The following TBCA variants were observed in gnomAD, a reference collection of about 807,000 sequenced individuals.
TBCA encodes the protein tubulin-specific chaperone A.
A neutral mutation model predicts 15.8 loss-of-function variants in TBCA; 6 were observed. That is an observed-to-expected ratio of 0.38 (90% CI 0.21 to 0.75). TBCA has a LOEUF of 0.75. TBCA is among the 30% of genes least tolerant of loss of function. The probability of loss-of-function intolerance (pLI) is 0.46; values close to 1 mark genes in which losing one functional copy is unlikely to be tolerated. For synonymous variants in TBCA, 32 were observed against 42.3 expected (o/e 0.76, Z 0.94); for missense variants, 90 against 131.2 (o/e 0.69, Z 1.53).
chr5:77,725,804 CCTT>C (rs751283351), intron 1 of TBCA, among the ~76,000 whole-genome samples: 4 of 152,134 alleles, frequency 2.6e-5, no homozygotes, highest in African/African-American at 4.8e-5. Context: ...TCTTAAGGCT[CCTT>C]GAGATGAGTT....
At position 77,767,153 on chromosome 5, in the gene TBCA, C is replaced by T. The variant is rs151149847; in HGVS notation, c.53+9052G>A. The stretch of plus-strand genomic sequence containing the variant: ...AGGTCTTCAAAAATTTCATAGAGTA[C>T]AAATGTATTTCAGGCAACAAATGAT... On this transcript the variant is annotated intron_variant, in intron 1 of 3. Coordinates refer to ENST00000380377, the MANE Select transcript of TBCA (RefSeq NM_004607.3). 1.5e-3 allele frequency among the ~76,000 whole-genome samples: 222 copies of T among 152,244 alleles called. 1 individual carries two copies. Among genetic ancestry groups the T allele is most frequent in the African/African-American group, 5.0e-3 (209 of 41,534 alleles).
intron 1 of TBCA, among the ~76,000 whole-genome samples, chr5:77,753,866 C>T (rs1164747985): frequency 1.3e-5 from 2 of 152,144 alleles, no homozygotes; most frequent in Non-Finnish European, 2.9e-5. Context: ...TCAAGTGATT[C>T]TCCTGCTTCA....
At chr5:77,748,622 C>T (rs1369644966) in intron 1 of TBCA, among the ~76,000 whole-genome samples, 1 of 151,990 alleles carries the variant, frequency 6.6e-6, no homozygotes, top group Non-Finnish European at 1.5e-5. Flanking sequence ...CCTAAAAAAG[C>T]TAAACATACT....
Position 77,776,196 on chromosome 5 carries a change from G to A in TBCA, c.53+9C>T. ...GAGGAGGTGCAGGGCGCCGCTCCCG[G>A]CTCCTTACCGCTTCACCACGCCGGT... On this transcript the variant is annotated intron_variant, in intron 1 of 3. Coordinates refer to ENST00000380377, the MANE Select transcript of TBCA (RefSeq NM_004607.3). The A allele has an allele frequency of 1.3e-6, 2 of 1,561,144 alleles. No individual in the cohort carries two copies. Among genetic ancestry groups the A allele is most frequent in the Non-Finnish European group, 8.7e-7 (1 of 1,153,646 alleles).
intron 2 of TBCA, chr5:77,693,565 G>A (rs902468513): frequency 3.2e-5 from 18 of 560,988 alleles, no homozygotes; most frequent in African/African-American, 1.1e-4. Context: ...TTGGGAGACC[G>A]AGGCAGGCAG....
At chr5:77,755,881 G>T (rs1467644310) in intron 1 of TBCA, among the ~76,000 whole-genome samples, 1 of 152,074 alleles carries the variant, frequency 6.6e-6, no homozygotes, top group Non-Finnish European at 1.5e-5. Flanking sequence ...GCGCATGCCT[G>T]TAATCCCAGC....
intron 1 of TBCA, among the ~76,000 whole-genome samples, chr5:77,771,020 C>G (rs993021480): frequency 5.3e-5 from 8 of 152,094 alleles, no homozygotes; most frequent in Admixed American, 5.2e-4. Flanking sequence ...CCCAGCTACT[C>G]AGGAGGCTGA....
chr5:77,719,511 T>C (rs563059071), intron 1 of TBCA, among the ~76,000 whole-genome samples: 3 of 152,368 alleles, frequency 2.0e-5, no homozygotes, highest in African/African-American at 7.2e-5. Context: ...TTTAATTTCA[T>C]GGTATTTGTT....
chr5:77,752,606 C>A lies in TBCA; in HGVS notation c.53+23599G>T, dbSNP rs1270328538. 1.7e-5 allele frequency among the ~76,000 whole-genome samples: 2 copies of A among 119,056 alleles called. 1 individual carries two copies. The highest frequency in any genetic ancestry group is 3.8e-5 in the Non-Finnish European group (2 of 53,132). The allele number at this position is 119,056 out of a possible 152,430, so 78.1% of individuals were successfully genotyped here. ...TCGCTCTGTCGCCCAGGCCGGACTG[C>A]GGACTGCAGTGGCGCAATCTCGGCT... On this transcript the variant is annotated intron_variant, in intron 1 of 3. Coordinates refer to ENST00000380377, the MANE Select transcript of TBCA (RefSeq NM_004607.3).
chr5:77,733,053 G>A (rs1344512628), intron 1 of TBCA, among the ~76,000 whole-genome samples: 13 of 152,182 alleles, frequency 8.5e-5, no homozygotes, highest in African/African-American at 2.9e-4. Context: ...AGGCTGAGGC[G>A]GGTGGATTGC....
At chr5:77,737,782 G>A (rs954261033) in intron 1 of TBCA, among the ~76,000 whole-genome samples, 1 of 151,742 alleles carries the variant, frequency 6.6e-6, no homozygotes. Flanking sequence ...TTTAAAAGTT[G>A]GCTTTTTCAG....
chr5:77,751,111 T>C (rs1487046917), intron 1 of TBCA, among the ~76,000 whole-genome samples: 1 of 151,674 alleles, frequency 6.6e-6, no homozygotes, highest in African/African-American at 2.4e-5. Context: ...TAATGAAGCC[T>C]GTCTGACTCC....
chr5:77,776,150 G>T (rs1748021875), intron 1 of TBCA, 55 bp downstream of exon 1: 1 of 1,546,004 alleles, frequency 6.5e-7, no homozygotes, highest in Non-Finnish European at 8.7e-7. Context: ...TCAGCCTCGC[G>T]GGCCGCCATG....
rs150281983 is a variant in TBCA, at chr5:77,772,193, A to G, written c.53+4012T>C. Among the ~76,000 whole-genome samples, 11 of 152,282 alleles carry G rather than the reference A, an allele frequency of 7.2e-5. No individual in the cohort carries two copies. In the East Asian group the frequency reaches 1.5e-3, roughly 21 times the overall value. Reference sequence around the variant, plus strand: ...AATTTGGAGAGAGGAGGAAAAAAGCATATCTTTTAGACCCTTTTTATCATG... The same window carrying G: ...AATTTGGAGAGAGGAGGAAAAAAGCGTATCTTTTAGACCCTTTTTATCATG... On this transcript the variant is annotated intron_variant, in intron 1 of 3. Coordinates refer to ENST00000380377, the MANE Select transcript of TBCA (RefSeq NM_004607.3).
chr5:77,701,251 C>T (rs1019354867), intron 2 of TBCA, among the ~76,000 whole-genome samples: 43 of 151,774 alleles, frequency 2.8e-4, no homozygotes, highest in African/African-American at 1.0e-3. Flanking sequence ...AGTGGGCTAA[C>T]GATATGAATA....
chr5:77,694,467 A>T (rs1007159556), intron 2 of TBCA, among the ~76,000 whole-genome samples: 4 of 152,196 alleles, frequency 2.6e-5, no homozygotes, highest in Non-Finnish European at 5.9e-5. Context: ...AAAGAAAAAA[A>T]ATCAAATCAA....
chr5:77,770,491 T>G (rs2112519793), intron 1 of TBCA, among the ~76,000 whole-genome samples: 1 of 152,286 alleles, frequency 6.6e-6, no homozygotes, highest in South Asian at 2.1e-4. Context: ...TTCCCAGTTT[T>G]AGCAGTGAAG....
intron 2 of TBCA, among the ~76,000 whole-genome samples, chr5:77,699,581 C>T (rs574412163): frequency 6.6e-6 from 1 of 152,072 alleles, no homozygotes; most frequent in Non-Finnish European, 1.5e-5. Context: ...ATAAAAATTA[C>T]CTCAAAACGG....
intron 1 of TBCA, among the ~76,000 whole-genome samples, chr5:77,735,804 C>A (rs538143702): frequency 6.6e-6 from 1 of 152,112 alleles, no homozygotes; most frequent in African/African-American, 2.4e-5. Context: ...TACCTACATG[C>A]GAAATGGTGT....
Sources: gnomAD v4.1 joint callset for allele counts (sites outside exome capture counted in the v4.1 genomes callset) on GRCh38, gnomAD v4.1.1 for gene constraint, MANE v1.5 for transcripts, NCBI Gene and HGNC (gene_info 2026-07-23, HGNC 2026-07-21) for gene names.